The following MYO1E variants were observed in gnomAD, a reference collection of about 807,000 sequenced individuals.
MYO1E encodes unconventional myosin-Ie.
Under a neutral mutation model 151.1 loss-of-function variants are expected in MYO1E, and 68 were observed. That is an observed-to-expected ratio of 0.45 (90% CI 0.37 to 0.55). The LOEUF (loss-of-function observed/expected upper bound fraction) is 0.55, where lower values mean the gene tolerates loss of function less well. Among genes scored for constraint, MYO1E ranks in the 20% least tolerant of loss-of-function variants. The pLI is 0.00. For missense variants in MYO1E, 1,363 were observed against 1,389.3 expected, an observed-to-expected ratio of 0.98 and a Z score of 0.30; for synonymous variants, 601 against 501.7, an observed-to-expected ratio of 1.20 and a Z score of -2.64.
chr15:59,294,719 C>T (rs760211155), intron 1 of MYO1E, among the ~76,000 whole-genome samples: 3 of 152,188 alleles, frequency 2.0e-5, no homozygotes, highest in Non-Finnish European at 4.4e-5. Context: ...GAGCTCCTCC[C>T]TACCAGTCAG....
At chr15:59,190,234 C>T (rs2079724894) in intron 17 of MYO1E, among the ~76,000 whole-genome samples, 1 of 152,230 alleles carries the variant, frequency 6.6e-6, no homozygotes, top group African/African-American at 2.4e-5. Context: ...AGGTCTCTCT[C>T]TTTCGAAGAT....
chr15:59,226,213 T>C (rs2079990250), intron 7 of MYO1E, among the ~76,000 whole-genome samples: 3 of 152,266 alleles, frequency 2.0e-5, no homozygotes, highest in Admixed American at 1.3e-4. Flanking sequence ...TAATCATTTA[T>C]ATACTTTTTC....
At chr15:59,215,115 A>G (rs1456295158) in intron 10 of MYO1E, among the ~76,000 whole-genome samples, 1 of 152,138 alleles carries the variant, frequency 6.6e-6, no homozygotes, top group Non-Finnish European at 1.5e-5. Flanking sequence ...TCTTCCATTC[A>G]CCAGTCATTT....
chr15:59,156,903 TG>T (rs2079512467), intron 25 of MYO1E, among the ~76,000 whole-genome samples: 1 of 152,206 alleles, frequency 6.6e-6, no homozygotes, highest in Non-Finnish European at 1.5e-5. Flanking sequence ...TTAGAGTGTC[TG>T]GATATGTCAG....
chr15:59,261,137 C>T (rs1341115801), intron 3 of MYO1E, among the ~76,000 whole-genome samples: 5 of 151,724 alleles, frequency 3.3e-5, no homozygotes, highest in Middle Eastern at 3.2e-3. Context: ...TGTTTGAACC[C>T]GGAAGGCGGA....
chr15:59,148,592 G>A (rs1327881831), intron 26 of MYO1E, among the ~76,000 whole-genome samples: 1 of 152,170 alleles, frequency 6.6e-6, no homozygotes, highest in African/African-American at 2.4e-5. Context: ...TCAGCACCAT[G>A]TCTGCCTGGG....
chr15:59,252,292 C>T (rs1037085557), intron 4 of MYO1E, among the ~76,000 whole-genome samples: 1 of 152,240 alleles, frequency 6.6e-6, no homozygotes. Context: ...TTAAAATGAA[C>T]CAAGGCCTAG....
chr15:59,273,438 G>A (rs1389331732), intron 1 of MYO1E, among the ~76,000 whole-genome samples: 1 of 152,162 alleles, frequency 6.6e-6, no homozygotes, highest in Non-Finnish European at 1.5e-5. Context: ...AAAGTCCCTT[G>A]AAGGACACCT....
chr15:59,210,672 G>A, intron 12 of MYO1E, 72 bp from the exon 13 acceptor site: 2 of 1,048,652 alleles, frequency 1.9e-6, no homozygotes, highest in Non-Finnish European at 1.5e-6. Flanking sequence ...GACCCTGAAT[G>A]GACAAAAATT....
chr15:59,142,042 G>A (rs1348843155), intron 26 of MYO1E, among the ~76,000 whole-genome samples: 1 of 151,866 alleles, frequency 6.6e-6, no homozygotes, highest in Non-Finnish European at 1.5e-5. Context: ...GGGAGGCGGA[G>A]CTTGCAGTGA....
At chr15:59,306,947 T>C (rs1275946430) in intron 1 of MYO1E, among the ~76,000 whole-genome samples, 56 of 152,226 alleles carry the variant, frequency 3.7e-4, no homozygotes. Context: ...TTCTCATTCC[T>C]GTATCTTTGC....
chr15:59,134,953 G>A lies in MYO1E; in HGVS notation c.*2427C>T, dbSNP rs2079363752. 6.6e-6 allele frequency: 1 copy of A among 152,200 alleles called. No homozygotes were observed. Among genetic ancestry groups the A allele is most frequent in the South Asian group, 2.1e-4 (1 of 4,834 alleles). 9.4% of individuals were successfully genotyped at this position (152,200 alleles called of 1,614,324 possible). A position where few individuals can be genotyped will look rare whatever the true frequency, so the allele number is the denominator to read the frequency against. Reference sequence around the variant, plus strand: ...TTTTAATTAGGAAAAAAAGGGAAATGTTATTTATCCCAGATTTTTCTGGTA... The same window carrying A: ...TTTTAATTAGGAAAAAAAGGGAAATATTATTTATCCCAGATTTTTCTGGTA... On this transcript the variant is annotated 3_prime_UTR_variant, in exon 28 of 28. Coordinates refer to ENST00000288235, the MANE Select transcript of MYO1E (RefSeq NM_004998.4).
chr15:59,322,095 G>C (rs1352310747), intron 1 of MYO1E, among the ~76,000 whole-genome samples: 1 of 149,606 alleles, frequency 6.7e-6, no homozygotes, highest in Non-Finnish European at 1.5e-5. Context: ...TAATTGTTTG[G>C]ACCTGGGAGG....
chr15:59,222,116 A>T (rs1198922933), intron 9 of MYO1E, among the ~76,000 whole-genome samples: 1 of 152,230 alleles, frequency 6.6e-6, no homozygotes, highest in Non-Finnish European at 1.5e-5. Context: ...TATCAGATAG[A>T]CATCAGAAGT....
chr15:59,297,253 A>T (rs1457895336), intron 1 of MYO1E, among the ~76,000 whole-genome samples: 3 of 150,998 alleles, frequency 2.0e-5, no homozygotes. Context: ...CTGGTGCAGG[A>T]TCATGTACCA....
chr15:59,324,404 T>TA (rs1186486857), intron 1 of MYO1E, among the ~76,000 whole-genome samples: 1 of 152,210 alleles, frequency 6.6e-6, no homozygotes, highest in African/African-American at 2.4e-5. Flanking sequence ...AGCCTTGTGC[T>TA]AAACCACCCC....
At chr15:59,243,559 G>T (rs2080112551) in intron 4 of MYO1E, among the ~76,000 whole-genome samples, 1 of 152,146 alleles carries the variant, frequency 6.6e-6, no homozygotes, top group African/African-American at 2.4e-5. Flanking sequence ...TGTGTCAGGG[G>T]CAAGAGCTCT....
intron 17 of MYO1E, among the ~76,000 whole-genome samples, chr15:59,189,960 G>T (rs1360942248): frequency 6.6e-6 from 1 of 152,180 alleles, no homozygotes; most frequent in Non-Finnish European, 1.5e-5. Flanking sequence ...CCCACACCTT[G>T]GGGATGCTGA....
chr15:59,254,087 A>G (rs2080180818), intron 4 of MYO1E, among the ~76,000 whole-genome samples: 2 of 152,144 alleles, frequency 1.3e-5, no homozygotes, highest in Admixed American at 1.3e-4. Context: ...TACTGATATT[A>G]GATACTATAA....
Sources: gnomAD v4.1 joint callset for allele counts (sites outside exome capture counted in the v4.1 genomes callset) on GRCh38, gnomAD v4.1.1 for gene constraint, MANE v1.5 for transcripts, NCBI Gene and HGNC (gene_info 2026-07-23, HGNC 2026-07-21) for gene names.